CDH10: variants seen among roughly 807,000 people sequenced by gnomAD.
CDH10 encodes cadherin 10, also known as cadherin-10.
A neutral mutation model predicts 73.1 loss-of-function variants in CDH10; 30 were observed. The observed-to-expected ratio is 0.41, with a 90% CI of 0.31 to 0.56. CDH10 has a LOEUF of 0.56. CDH10 is among the 20% of genes least tolerant of loss of function. The probability of loss-of-function intolerance (pLI) is 0.27; values close to 1 mark genes in which losing one functional copy is unlikely to be tolerated. For missense variants in CDH10, 815 were observed against 973.7 expected (o/e 0.84, Z 2.17); for synonymous variants, 345 against 348.2 (o/e 0.99, Z 0.10).
At chr5:24,490,608 A>G (rs1742018305) in intron 11 of CDH10, among the ~76,000 whole-genome samples, 3 of 152,158 alleles carry the variant, frequency 2.0e-5, no homozygotes, top group Non-Finnish European at 2.9e-5. Context: ...GGAAACATCT[A>G]TAGAATGAAG....
At chr5:24,519,561 C>T (rs62349572) in intron 5 of CDH10, among the ~76,000 whole-genome samples, 74,327 of 151,862 alleles carry the variant, frequency 0.49, 18,301 homozygotes, top group East Asian at 0.58. Flanking sequence ...TAGAAAACAA[C>T]TTACAGTGGA....
rs985564698 is a variant in CDH10 at position 24,487,804 on chromosome 5, A to G, written c.2226T>C (p.Asp742=). Residue 742 remains aspartate (D), a synonymous_variant, in exon 12 of 12, where the codon GAT becomes GAC. Transcript: ENST00000264463. ...SLATYAYEGN[D]SIAESLSSLE... is the part of the protein sequence containing the mutation. ...ATGAACTCAGAGATTCAGCAATGGA[A>G]TCATTTCCTTCATAGGCATAGGTTG... 3.7e-6 allele frequency: 6 copies of G among 1,612,802 alleles called. No homozygotes were observed. In the African/African-American group the frequency reaches 8.0e-5, roughly 22 times the overall value.
At chr5:24,514,905 A>G (rs1743053828) in intron 5 of CDH10, among the ~76,000 whole-genome samples, 1 of 152,122 alleles carries the variant, frequency 6.6e-6, no homozygotes, top group Non-Finnish European at 1.5e-5. Flanking sequence ...TGAATAAATC[A>G]TTTAGAGAGT....
intron 8 of CDH10, among the ~76,000 whole-genome samples, chr5:24,503,680 T>G (rs1742579892): frequency 6.6e-6 from 1 of 152,148 alleles, no homozygotes; most frequent in Admixed American, 6.5e-5. Flanking sequence ...AATGACATGG[T>G]TTCAAATCTC....
intron 2 of CDH10, among the ~76,000 whole-genome samples, chr5:24,552,136 C>T (rs1744568726): frequency 6.6e-6 from 1 of 151,910 alleles, no homozygotes; most frequent in Admixed American, 6.6e-5. Flanking sequence ...CATATATCTC[C>T]ATTTATTTAG....
Position 24,488,078 on chromosome 5 carries a change from C to A in CDH10, c.1952G>T (p.Arg651Ile), listed in dbSNP as rs2111611687. 1.2e-6 allele frequency: 2 copies of A among 1,613,940 alleles called. No individual in the cohort carries two copies. Among genetic ancestry groups the A allele is most frequent in the Non-Finnish European group, 1.7e-6 (2 of 1,179,898 alleles). The change falls in exon 12 of 12, where the codon AGA becomes ATA. Residue 651 changes from arginine (R) to isoleucine (I), a missense_variant. By Grantham distance (97) the Arg-to-Ile change is moderately conservative. Transcript: ENST00000264463. Reference protein sequence around the residue: ...EPLILSKEDIRDNIVSYNDEG... With the variant: ...EPLILSKEDIIDNIVSYNDEG... ...ATCGTTATAGCTCACAATGTTGTCTCTGATATCTTCTTTTGACAAGATCAG... is the reference window on the plus strand; with the variant it reads ...ATCGTTATAGCTCACAATGTTGTCTATGATATCTTCTTTTGACAAGATCAG...
At chr5:24,518,404 T>C (rs1743188905) in intron 5 of CDH10, among the ~76,000 whole-genome samples, 1 of 152,064 alleles carries the variant, frequency 6.6e-6, no homozygotes, top group South Asian at 2.1e-4. Context: ...TATGCACGTA[T>C]ACACATATTC....
At chr5:24,566,378 A>G (rs1409125390) in intron 2 of CDH10, among the ~76,000 whole-genome samples, 3 of 152,124 alleles carry the variant, frequency 2.0e-5, no homozygotes, top group Non-Finnish European at 1.5e-5. Flanking sequence ...TTTTTGGTAA[A>G]GGTAAAATGT....
At chr5:24,604,455 T>C (rs766131723) in intron 1 of CDH10, among the ~76,000 whole-genome samples, 2 of 152,184 alleles carry the variant, frequency 1.3e-5, no homozygotes, top group Non-Finnish European at 2.9e-5. Flanking sequence ...CTTTTGTAAT[T>C]GGTAAAGATT....
intron 2 of CDH10, among the ~76,000 whole-genome samples, chr5:24,592,918 A>G (rs1273919832): frequency 6.6e-6 from 1 of 151,546 alleles, no homozygotes; most frequent in African/African-American, 2.4e-5. Context: ...ATATATATAT[A>G]TATACACATA....
At chr5:24,504,901 T>A (rs1259684196) in intron 8 of CDH10, among the ~76,000 whole-genome samples, 1 of 152,130 alleles carries the variant, frequency 6.6e-6, no homozygotes, top group African/African-American at 2.4e-5. Context: ...AATTTTTGCA[T>A]CTTCTACCAA....
chr5:24,623,910 C>T (rs993677722), intron 1 of CDH10, among the ~76,000 whole-genome samples: 1 of 152,058 alleles, frequency 6.6e-6, no homozygotes. Context: ...GTTTTCTGAA[C>T]TGTACCTTAT....
At chr5:24,491,884 T>G in intron 10 of CDH10, 57 bp from the exon 11 acceptor site, 1 of 1,096,716 alleles carries the variant, frequency 9.1e-7, no homozygotes, top group South Asian at 1.6e-5. Flanking sequence ...TTTCCCAATG[T>G]GATCACCAAG....
intron 2 of CDH10, among the ~76,000 whole-genome samples, chr5:24,555,900 C>T (rs1258063087): frequency 6.6e-6 from 1 of 151,884 alleles, no homozygotes; most frequent in Non-Finnish European, 1.5e-5. Flanking sequence ...AGACAATGAG[C>T]TGCCATCTTT....
At chr5:24,562,543 A>G (rs1744997171) in intron 2 of CDH10, among the ~76,000 whole-genome samples, 1 of 152,198 alleles carries the variant, frequency 6.6e-6, no homozygotes, top group African/African-American at 2.4e-5. Flanking sequence ...CTACGGAAAA[A>G]AAAATCTACA....
chr5:24,593,598 T>C lies in CDH10; in HGVS notation c.-108A>G. The C allele has an allele frequency of 1.7e-6, 1 of 601,246 alleles. No individual in the cohort carries two copies. Among genetic ancestry groups the C allele is most frequent in the Non-Finnish European group, 2.9e-6 (1 of 340,248 alleles). 37.2% of individuals were successfully genotyped at this position (601,246 alleles called of 1,614,324 possible). Reference sequence around the variant, plus strand: ...TTTCCAACATTTCATCAATGTTTTGTTCATGTTTCCCAAAGCTTCAAACAA... The same window carrying C: ...TTTCCAACATTTCATCAATGTTTTGCTCATGTTTCCCAAAGCTTCAAACAA... On this transcript the variant is annotated 5_prime_UTR_variant, in exon 2 of 12. Transcript: ENST00000264463.
intron 5 of CDH10, among the ~76,000 whole-genome samples, chr5:24,531,774 C>A (rs1399534090): frequency 6.6e-6 from 1 of 152,040 alleles, no homozygotes; most frequent in Non-Finnish European, 1.5e-5. Context: ...CACAGCCAAA[C>A]CATATCAATG....
At chr5:24,532,858 T>C (rs1403289669) in intron 5 of CDH10, among the ~76,000 whole-genome samples, 1 of 151,992 alleles carries the variant, frequency 6.6e-6, no homozygotes, top group African/African-American at 2.4e-5. Context: ...AGTTGTGAGG[T>C]TTCAATGATA....
At chr5:24,581,873 T>G (rs2112057326) in intron 2 of CDH10, among the ~76,000 whole-genome samples, 1 of 152,196 alleles carries the variant, frequency 6.6e-6, no homozygotes, top group South Asian at 2.1e-4. Context: ...CGTTTTGATC[T>G]AAAAAAACTT....
Sources: gnomAD v4.1 joint callset for allele counts (sites outside exome capture counted in the v4.1 genomes callset) on GRCh38, gnomAD v4.1.1 for gene constraint, MANE v1.5 for transcripts, NCBI Gene and HGNC (gene_info 2026-07-23, HGNC 2026-07-21) for gene names.